The following ANO4 variants were observed in gnomAD, a reference collection of about 807,000 sequenced individuals.
ANO4 encodes the protein anoctamin-4.
ANO4 carries 69 observed loss-of-function variants against 141.9 expected under a neutral mutation model. That is an observed-to-expected ratio of 0.49 (90% CI 0.40 to 0.59). ANO4 has a LOEUF of 0.59. ANO4 is among the 20% of genes least tolerant of loss of function. The pLI is 0.00. For synonymous variants in ANO4, 350 were observed against 394.3 expected, an observed-to-expected ratio of 0.89 and a Z score of 1.33; for missense variants, 894 against 1,162.2, an observed-to-expected ratio of 0.77 and a Z score of 3.36.
rs148379149 is a variant in ANO4, at chr12:101,118,041, A to G, written c.2570+1243A>G. Among the ~76,000 whole-genome samples the G allele has an allele frequency of 4.8e-4, 73 of 152,074 alleles. 1 individual carries two copies. The highest frequency in any genetic ancestry group is 1.7e-3 in the African/African-American group (70 of 41,498). On this transcript the variant is annotated intron_variant, in intron 25 of 27. Coordinates refer to ENST00000392977, the MANE Select transcript of ANO4 (RefSeq NM_001286615.2). ...AGAAAGACTGGCTGGAATATAATCT[A>G]GTGCCGCTCTCTGTTGGGGTCTAGT...
intron 1 of ANO4, among the ~76,000 whole-genome samples, chr12:100,729,874 T>C (rs2031312799): frequency 6.6e-6 from 1 of 152,234 alleles, no homozygotes; most frequent in Non-Finnish European, 1.5e-5. Flanking sequence ...CCATTCAGGC[T>C]TGATTCAAAT....
chr12:101,022,525 C>T (rs1219170454), intron 9 of ANO4, among the ~76,000 whole-genome samples: 1 of 152,088 alleles, frequency 6.6e-6, no homozygotes, highest in Non-Finnish European at 1.5e-5. Flanking sequence ...ATTTCTTATT[C>T]ATTCATATGG....
At chr12:100,802,165 C>T (rs1022912466) in intron 1 of ANO4, among the ~76,000 whole-genome samples, 8 of 152,082 alleles carry the variant, frequency 5.3e-5, no homozygotes, top group African/African-American at 1.9e-4. Context: ...TGTGGAAAAC[C>T]CCCTGGGTCT....
intron 14 of ANO4, among the ~76,000 whole-genome samples, chr12:101,057,581 T>C (rs1023210801): frequency 8.5e-5 from 13 of 152,140 alleles, no homozygotes; most frequent in Admixed American, 8.5e-4. Context: ...TGGTATCTCA[T>C]TGTGGTTTTG....
rs375932643 is a variant in ANO4 at position 100,775,688 on chromosome 12, A to G, written c.358+35583A>G. On this transcript the variant is annotated intron_variant, in intron 3 of 29. Coordinates refer to the ANO4 transcript ENST00000644049. ...CTTAACGTGTAGCCTGGAATGTAGT[A>G]AAAGGATGAGAAATAAGAGCACAGC... Among the ~76,000 whole-genome samples, 17 of 152,348 alleles carry G rather than the reference A, an allele frequency of 1.1e-4. No individual in the cohort carries two copies. The South Asian group carries it at 2.3e-3, about 20-fold the overall frequency.
intron 1 of ANO4, among the ~76,000 whole-genome samples, chr12:100,832,263 C>T (rs1406808536): frequency 2.0e-5 from 3 of 152,044 alleles, no homozygotes; most frequent in African/African-American, 7.2e-5. Context: ...TTCAGGGTAC[C>T]TGAGAGGCCC....
chr12:101,124,722 AGGGAATCC>A, intron 26 of ANO4, among the ~76,000 whole-genome samples: 1 of 152,168 alleles, frequency 6.6e-6, no homozygotes, highest in Non-Finnish European at 1.5e-5. Flanking sequence ...TTTATTAAGT[AGGGAATCC>A]TTTCCCCCAT....
At chr12:100,936,980 A>G (rs1191408421) in intron 3 of ANO4, among the ~76,000 whole-genome samples, 1 of 152,206 alleles carries the variant, frequency 6.6e-6, no homozygotes, top group Non-Finnish European at 1.5e-5. Flanking sequence ...CTTTTATCTT[A>G]TTGTTCAAAT....
chr12:100,720,245 GC>G (rs933748054), intron 1 of ANO4, among the ~76,000 whole-genome samples: 24 of 152,204 alleles, frequency 1.6e-4, no homozygotes, highest in African/African-American at 5.8e-4. Context: ...GGACCTGTCA[GC>G]CGTGATGAGG....
chr12:100,781,694 G>A lies in ANO4; in HGVS notation c.358+41589G>A, dbSNP rs12309215. Among the ~76,000 whole-genome samples, 499 of 152,262 alleles carry A rather than the reference G, an allele frequency of 3.3e-3. 3 individuals carry two copies. Among genetic ancestry groups the A allele is most frequent in the African/African-American group, 0.011 (472 of 41,542 alleles). On this transcript the variant is annotated intron_variant, in intron 3 of 29. Transcript: ENST00000644049. Reference sequence around the variant, plus strand: ...TGGAGAAATGGCCTTTAGTTCTAATGACAGTTAATAACTGTTTTGCTACAT... The same window carrying A: ...TGGAGAAATGGCCTTTAGTTCTAATAACAGTTAATAACTGTTTTGCTACAT...
chr12:101,072,043 A>G (rs1051228958), intron 14 of ANO4, among the ~76,000 whole-genome samples: 2 of 152,128 alleles, frequency 1.3e-5, no homozygotes, highest in East Asian at 1.9e-4. Context: ...GAAAAACCCT[A>G]TATTAGTTAG....
At chr12:100,723,325 A>G (rs1033708996) in intron 1 of ANO4, among the ~76,000 whole-genome samples, 1 of 152,108 alleles carries the variant, frequency 6.6e-6, no homozygotes, top group Non-Finnish European at 1.5e-5. Flanking sequence ...TGGAGGCTGG[A>G]AGTCCCTGTT....
At chr12:100,772,634 G>A (rs551327126) in intron 3 of ANO4, among the ~76,000 whole-genome samples, 3 of 152,274 alleles carry the variant, frequency 2.0e-5, no homozygotes, top group African/African-American at 4.8e-5. Context: ...GGAGCCTGAC[G>A]CAGCTGCAGA....
chr12:101,120,562 T>TGGCTA lies in ANO4; in HGVS notation c.2614_2618dup (p.Tyr873Ter). ...ACCCGCCTCATTCACTGGTGCCCTA[T>TGGCTA]GGCTACACACTGCAGTTTTGGCATG... On this transcript the variant is annotated frameshift_variant, in exon 26 of 28. Transcript: ENST00000392977. LOFTEE classifies it high-confidence loss of function. 1 of 1,614,148 alleles carries TGGCTA rather than the reference T, an allele frequency of 6.2e-7. No homozygotes were observed. The highest frequency in any genetic ancestry group is 8.5e-7 in the Non-Finnish European group (1 of 1,180,018).
intron 1 of ANO4, among the ~76,000 whole-genome samples, chr12:100,882,045 A>G (rs1480095697): frequency 6.6e-6 from 1 of 152,222 alleles, no homozygotes; most frequent in Non-Finnish European, 1.5e-5. Flanking sequence ...GATGCACAAC[A>G]ACAAAAATGT....
chr12:100,924,002 A>G (rs2041756879), intron 3 of ANO4, among the ~76,000 whole-genome samples: 1 of 151,746 alleles, frequency 6.6e-6, no homozygotes, highest in South Asian at 2.1e-4. Context: ...TTTTTCTTGT[A>G]AATTTATCTG....
intron 14 of ANO4, among the ~76,000 whole-genome samples, chr12:101,062,506 T>G (rs2048393500): frequency 6.6e-6 from 1 of 152,204 alleles, no homozygotes; most frequent in Admixed American, 6.5e-5. Context: ...CCCCAGGTGC[T>G]CTGTCCCAGA....
chr12:100,732,123 GGA>G (rs569685534), intron 1 of ANO4, among the ~76,000 whole-genome samples: 157 of 152,290 alleles, frequency 1.0e-3, no homozygotes, highest in African/African-American at 3.5e-3. Context: ...TGTGATTGCT[GGA>G]TGGTATGGTA....
rs374373120 is a variant in ANO4, at chr12:100,990,654, G to C, written c.734+2984G>C. Among the ~76,000 whole-genome samples the C allele has an allele frequency of 2.4e-3, 373 of 152,280 alleles. 1 individual carries two copies. Among genetic ancestry groups the C allele is most frequent in the Middle Eastern group, 0.014 (4 of 294 alleles). ...TCAGTTTGGACCCTGGTGTAGTAAA[G>C]ATGCAGACTATTTTAAATAATTGTA... On this transcript the variant is annotated intron_variant, in intron 8 of 27. Transcript: ENST00000392977.
Sources: allele counts gnomAD v4.1 joint callset (sites outside exome capture counted in the v4.1 genomes callset), GRCh38; gene constraint gnomAD v4.1.1; transcripts MANE v1.5; gene names NCBI Gene and HGNC (gene_info 2026-07-23, HGNC 2026-07-21).